CDC42BPA: variants seen among roughly 807,000 people sequenced by gnomAD.
CDC42BPA encodes serine/threonine-protein kinase MRCK alpha.
A neutral mutation model predicts 223.5 loss-of-function variants in CDC42BPA; 80 were observed. That is an observed-to-expected ratio of 0.36 (90% confidence interval 0.30 to 0.43). The LOEUF (loss-of-function observed/expected upper bound fraction) is 0.43, where lower values mean the gene tolerates loss of function less well. Ranked by LOEUF, CDC42BPA falls within the 20% of genes least tolerant of loss-of-function variation. The pLI, the probability that CDC42BPA is intolerant of heterozygous loss-of-function variation, is 1.00. For missense variants in CDC42BPA, 1,743 were observed against 2,099.9 expected, an observed-to-expected ratio of 0.83 and a Z score of 3.32; for synonymous variants, 694 against 718.6, an observed-to-expected ratio of 0.97 and a Z score of 0.55.
At position 227,034,669 on chromosome 1, in the gene CDC42BPA, T is replaced by C. The variant is rs759531190; in HGVS notation, c.3462A>G (p.Gln1154=). 6.2e-7 allele frequency: 1 copy of C among 1,611,480 alleles called. No individual in the cohort carries two copies. The highest frequency in any genetic ancestry group is 1.1e-5 in the South Asian group (1 of 90,500). ...CAAACTCTTACCTCATGTCAATCAC[T>C]TGACTAATGACAACACTGGGCTGAG... The part of the protein sequence containing the change: ...KASQPSVVIS[Q]VIDMRDEEFS... Residue 1154 remains glutamine, a synonymous_variant, in exon 26 of 37, where the codon CAA becomes CAG. Coordinates refer to ENST00000366766, the MANE Select transcript of CDC42BPA (RefSeq NM_001394014.1).
chr1:227,214,589 G>C (rs1449537631), intron 2 of CDC42BPA, among the ~76,000 whole-genome samples: 1 of 152,180 alleles, frequency 6.6e-6, no homozygotes, highest in Non-Finnish European at 1.5e-5. Flanking sequence ...AACTGGGAGT[G>C]CACATGGATA....
At chr1:227,186,170 C>A (rs1668743355) in intron 5 of CDC42BPA, among the ~76,000 whole-genome samples, 1 of 152,128 alleles carries the variant, frequency 6.6e-6, no homozygotes, top group South Asian at 2.1e-4. Flanking sequence ...ATTAAAAACT[C>A]CAAAGGCAGC....
At chr1:227,036,751 G>C (rs143553415) in intron 24 of CDC42BPA, among the ~76,000 whole-genome samples, 2 of 152,258 alleles carry the variant, frequency 1.3e-5, no homozygotes, top group Admixed American at 1.3e-4. Context: ...TTTAAGTGGA[G>C]TATCTAGCAA....
At chr1:227,160,829 A>G (rs995047238) in intron 5 of CDC42BPA, among the ~76,000 whole-genome samples, 193 bp from the exon 6 acceptor site, 1 of 152,190 alleles carries the variant, frequency 6.6e-6, no homozygotes, top group Non-Finnish European at 1.5e-5. Context: ...ATGTAATTTC[A>G]GTATTCTTCT....
At chr1:227,297,950 G>A (rs1299891537) in intron 1 of CDC42BPA, among the ~76,000 whole-genome samples, 1 of 65,076 alleles carries the variant, frequency 1.5e-5, no homozygotes, top group African/African-American at 5.7e-5. Flanking sequence ...ATGTGTGTGT[G>A]TGTGTATATA....
intron 21 of CDC42BPA, among the ~76,000 whole-genome samples, chr1:227,065,014 G>A (rs550947627): frequency 8.9e-4 from 136 of 152,068 alleles, no homozygotes; most frequent in South Asian, 6.5e-3. Context: ...GGAGAATGGC[G>A]TGAACCCGGG....
rs759786124 is a variant in CDC42BPA, at chr1:227,199,661, C to T, written c.355-9G>A. 4.9e-5 allele frequency: 72 copies of T among 1,476,420 alleles called. No individual in the cohort carries two copies. In the South Asian group the frequency reaches 8.3e-4, roughly 17 times the overall value. The allele number at this position is 1,476,420 out of a possible 1,614,324, so 91.5% of individuals were successfully genotyped here. A position where few individuals can be genotyped will look rare whatever the true frequency, so the allele number is the denominator to read the frequency against. On this transcript the variant is annotated splice_polypyrimidine_tract_variant and intron_variant, in intron 3 of 36. Transcript: ENST00000366766. ...TCACGAAAACATGCTGTCTGAAACA[C>T]AAAAAGAAAATTTTTAGAGCATACT...
intron 4 of CDC42BPA, among the ~76,000 whole-genome samples, chr1:227,195,494 CCCTAT>C (rs1182730623): frequency 2.5e-5 from 2 of 79,064 alleles, no homozygotes. Flanking sequence ...GTTGAACTGA[CCCTAT>C]CCTGACAATT....
intron 20 of CDC42BPA, among the ~76,000 whole-genome samples, chr1:227,071,207 T>C (rs185608404): frequency 3.9e-5 from 6 of 152,006 alleles, no homozygotes; most frequent in South Asian, 4.1e-4. Flanking sequence ...GATTACTCTC[T>C]GTTCTCTATC....
chr1:227,157,955 C>CTTTTT (rs59212512), intron 6 of CDC42BPA, among the ~76,000 whole-genome samples: 13 of 144,954 alleles, frequency 9.0e-5, no homozygotes, highest in Admixed American at 1.4e-4. Flanking sequence ...ATTTTTATAA[C>CTTTTT]TTTTTTTTTT....
intron 6 of CDC42BPA, among the ~76,000 whole-genome samples, chr1:227,153,505 AC>A (rs1197702147): frequency 6.6e-6 from 1 of 151,954 alleles, no homozygotes; most frequent in East Asian, 1.9e-4. Flanking sequence ...CTGTATCAAA[AC>A]TTACGAAGGA....
chr1:227,151,849 A>G (rs1218571327), intron 6 of CDC42BPA, among the ~76,000 whole-genome samples: 1 of 135,858 alleles, frequency 7.4e-6, no homozygotes, highest in Non-Finnish European at 1.5e-5. Flanking sequence ...GTTTGAGACC[A>G]ACCTGGCCAA....
chr1:227,070,342 A>T (rs544667462), intron 20 of CDC42BPA, among the ~76,000 whole-genome samples: 1 of 151,708 alleles, frequency 6.6e-6, no homozygotes, highest in African/African-American at 2.4e-5. Flanking sequence ...GATTTCAGGT[A>T]TTTTTTTATT....
At chr1:227,217,863 T>A (rs1386669387) in intron 2 of CDC42BPA, among the ~76,000 whole-genome samples, 1 of 152,224 alleles carries the variant, frequency 6.6e-6, no homozygotes, top group African/African-American at 2.4e-5. Flanking sequence ...AATGTCACTT[T>A]ACCCCTTGAC....
intron 4 of CDC42BPA, among the ~76,000 whole-genome samples, chr1:227,196,608 G>A (rs1254933361): frequency 6.6e-6 from 1 of 151,756 alleles, no homozygotes; most frequent in Non-Finnish European, 1.5e-5. Context: ...CAAAGTGCTG[G>A]GATTACAGGC....
chr1:227,292,534 A>C (rs1689875023), intron 1 of CDC42BPA, among the ~76,000 whole-genome samples: 1 of 152,220 alleles, frequency 6.6e-6, no homozygotes, highest in Admixed American at 6.5e-5. Context: ...TCAACTACAA[A>C]GTTCACTGAA....
At chr1:227,025,974 T>TA (rs1029988952) in intron 31 of CDC42BPA, 81 bp downstream of exon 31, 3,064 of 672,376 alleles carry the variant, frequency 4.6e-3, no homozygotes, top group Non-Finnish European at 5.2e-3. Flanking sequence ...GTTGAATTAA[T>TA]AAAAAAAAAA....
intron 5 of CDC42BPA, among the ~76,000 whole-genome samples, chr1:227,177,118 A>G (rs912660130): frequency 6.2e-4 from 41 of 65,950 alleles, no homozygotes; most frequent in Non-Finnish European, 1.1e-3. Context: ...ATATATTTTA[A>G]AGATGTAAGA....
rs1259325954 is a variant in CDC42BPA at position 226,990,491 on chromosome 1, G to C, written c.*3777C>G. On this transcript the variant is annotated 3_prime_UTR_variant, in exon 37 of 37. Transcript: ENST00000366766. Reference sequence around the variant, plus strand: ...AGGGCTGGGCCAGAGAGACGGGGGAGTGGAGTGCCCAATTCATTCCCTGTT... The same window carrying C: ...AGGGCTGGGCCAGAGAGACGGGGGACTGGAGTGCCCAATTCATTCCCTGTT... The C allele has an allele frequency of 1.3e-5, 2 of 152,294 alleles. No homozygotes were observed. The highest frequency in any genetic ancestry group is 2.9e-5 in the Non-Finnish European group (2 of 68,100). The allele number at this position is 152,294 out of a possible 1,614,324, so 9.4% of individuals were successfully genotyped here.
Sources: allele counts gnomAD v4.1 joint callset (sites outside exome capture counted in the v4.1 genomes callset), GRCh38; gene constraint gnomAD v4.1.1; transcripts MANE v1.5; gene names NCBI Gene and HGNC (gene_info 2026-07-23, HGNC 2026-07-21).